NPRL3: variants seen among roughly 807,000 people sequenced by gnomAD.
NPRL3 encodes GATOR1 complex protein NPRL3.
Under a neutral mutation model 57.2 loss-of-function variants are expected in NPRL3, and 23 were observed. The ratio of observed to expected loss-of-function variants is 0.40; its 90% CI spans 0.29 to 0.57. The LOEUF (loss-of-function observed/expected upper bound fraction) is 0.57. Among genes scored for constraint, NPRL3 ranks in the 20% least tolerant of loss-of-function variants. The probability of loss-of-function intolerance (pLI) is 0.42; values close to 1 mark genes in which losing one functional copy is unlikely to be tolerated. For synonymous variants in NPRL3, 333 were observed against 321.1 expected (o/e 1.04, Z -0.39); for missense variants, 691 against 767.1 (o/e 0.90, Z 1.17).
intron 3 of NPRL3, among the ~76,000 whole-genome samples, chr16:130,171 G>GCATTT (rs1314594235): frequency 5.9e-5 from 9 of 152,240 alleles, no homozygotes; most frequent in African/African-American, 2.2e-4. Context: ...TTTGACCTCT[G>GCATTT]GGTACATGCT....
At chr16:100,289 A>G in intron 8 of NPRL3, 83 bp downstream of exon 8, 1 of 1,345,186 alleles carries the variant, frequency 7.4e-7, no homozygotes, top group Non-Finnish European at 9.6e-7. Context: ...GAAATTTTGG[A>G]ACAAAGTAAG....
At chr16:99,024 T>C (rs890271992) in intron 8 of NPRL3, among the ~76,000 whole-genome samples, 4 of 152,300 alleles carry the variant, frequency 2.6e-5, no homozygotes, top group Non-Finnish European at 4.4e-5. Context: ...GACTGGACTC[T>C]GTATCCCACC....
chr16:135,608 C>CAAAAAAAAAA (rs555589072), intron 2 of NPRL3, among the ~76,000 whole-genome samples: 9 of 56,732 alleles, frequency 1.6e-4, no homozygotes, highest in Non-Finnish European at 2.3e-4. Context: ...GACTCTGTCT[C>CAAAAAAAAAA]AAAAAAAAAA....
At chr16:130,332 A>G (rs551954333) in intron 3 of NPRL3, among the ~76,000 whole-genome samples, 190 bp downstream of exon 3, 6 of 152,190 alleles carry the variant, frequency 3.9e-5, no homozygotes, top group Non-Finnish European at 8.8e-5. Context: ...CAGGTGCCCA[A>G]ATTATTCAGC....
In NPRL3 at chr16:118,231, A is replaced by ACC. The variant is rs35376020; in HGVS notation, c.319-858_319-857dup. On this transcript the variant is annotated intron_variant, in intron 4 of 13. Coordinates refer to ENST00000611875, the MANE Select transcript of NPRL3 (RefSeq NM_001077350.3). ...GCTAAATCCTACGTTACTGTGTTCG[A>ACC]CCCTTCAGAATCTTAGTAATGCCAT... Among the ~76,000 whole-genome samples, 1,244 of 152,228 alleles carry ACC rather than the reference A, an allele frequency of 8.2e-3. 12 individuals are homozygous for ACC. Among genetic ancestry groups the ACC allele is most frequent in the African/African-American group, 0.029 (1,190 of 41,522 alleles).
chr16:90,373 G>C (rs1161899763), intron 11 of NPRL3: 1 of 159,626 alleles, frequency 6.3e-6, no homozygotes, highest in Non-Finnish European at 1.4e-5. Flanking sequence ...CCTGAGAGCA[G>C]AAAGTCCTCT....
rs1355350015 is a variant in NPRL3 at position 112,827 on chromosome 16, T to TGGACACAGTTTAAATGGAGC, written c.394-72_394-53dup. Reference sequence around the variant, plus strand: ...TCAAACGTGTGCACAGGGACACAGCTGGACACAGTTTAAATGGAGCTAACA... The same window carrying TGGACACAGTTTAAATGGAGC: ...TCAAACGTGTGCACAGGGACACAGCTGGACACAGTTTAAATGGAGCGGACACAGTTTAAATGGAGCTAACA... On this transcript the variant is annotated intron_variant, in intron 5 of 13. Coordinates refer to ENST00000611875, the MANE Select transcript of NPRL3 (RefSeq NM_001077350.3). 1.0e-5 allele frequency: 15 copies of TGGACACAGTTTAAATGGAGC among 1,494,708 alleles called. No individual in the cohort carries two copies. In the African/African-American group the frequency reaches 1.9e-4, roughly 19 times the overall value. 92.6% of individuals were successfully genotyped at this position (1,494,708 alleles called of 1,614,324 possible).
chr16:127,822 C>T (rs375960407), intron 3 of NPRL3, among the ~76,000 whole-genome samples: 3,309 of 150,766 alleles, frequency 0.022, 118 homozygotes, highest in African/African-American at 0.076. Flanking sequence ...GCCCGGATAA[C>T]TTTTTGTATT....
chr16:93,573 T>TG (rs1265992302), intron 9 of NPRL3, among the ~76,000 whole-genome samples: 1 of 151,792 alleles, frequency 6.6e-6, no homozygotes, highest in Admixed American at 6.5e-5. Context: ...GGTTTTTTTT[T>TG]TTTTTTTTTT....
Position 119,219 on chromosome 16 carries a change from G to A in NPRL3, c.225C>T (p.Thr75=). The change falls in exon 4 of 14, where the codon ACC becomes ACT. Residue 75 remains threonine, a synonymous_variant. Transcript: ENST00000611875. ...SDVILATILA[T]KSEMCGQKFE... ...ATTTTTGGCCACACATTTCAGACTT[G>A]GTTGCCAAAATTGTTGCCAGAATAA... 1.2e-6 allele frequency: 2 copies of A among 1,611,048 alleles called. No homozygotes were observed. Among genetic ancestry groups the A allele is most frequent in the Non-Finnish European group, 1.7e-6 (2 of 1,178,486 alleles).
chr16:115,423 A>T (rs1391031749), intron 5 of NPRL3, among the ~76,000 whole-genome samples: 1 of 152,132 alleles, frequency 6.6e-6, no homozygotes, highest in East Asian at 1.9e-4. Context: ...TCTTTACATT[A>T]TCAAAATTTC....
At chr16:107,127 C>T (rs1383566308) in intron 7 of NPRL3, among the ~76,000 whole-genome samples, 1 of 152,180 alleles carries the variant, frequency 6.6e-6, no homozygotes, top group African/African-American at 2.4e-5. Flanking sequence ...ATGCGTAGGT[C>T]AGGAAAGAAT....
At chr16:132,791 T>C (rs1033895108) in intron 2 of NPRL3, among the ~76,000 whole-genome samples, 155 of 149,974 alleles carry the variant, frequency 1.0e-3, no homozygotes, top group Non-Finnish European at 1.4e-3. Context: ...TGCCTCAGCC[T>C]CCCAAGTAGC....
rs2141893020 is a variant in NPRL3, at chr16:85,951, G to C, written c.*754C>G. ...GCCTGAGTACGTAGCGCCAGGCCCGGTGTGGATGCTGGGGAGAATCATCAG... is the reference window on the plus strand; with the variant it reads ...GCCTGAGTACGTAGCGCCAGGCCCGCTGTGGATGCTGGGGAGAATCATCAG... On this transcript the variant is annotated 3_prime_UTR_variant, in exon 14 of 14. Transcript: ENST00000611875. 1 of 741,280 alleles carries C rather than the reference G, an allele frequency of 1.3e-6. No individual in the cohort carries two copies. The highest frequency in any genetic ancestry group is 3.2e-5 in the East Asian group (1 of 31,412). 45.9% of individuals were successfully genotyped at this position (741,280 alleles called of 1,614,324 possible).
chr16:119,888 A>C (rs1900211824), intron 3 of NPRL3, among the ~76,000 whole-genome samples: 1 of 152,196 alleles, frequency 6.6e-6, no homozygotes, highest in African/African-American at 2.4e-5. Context: ...CTATTTCCAA[A>C]TGGCAGAAAT....
At chr16:119,025 C>A (rs1439640099) in intron 4 of NPRL3, 101 bp downstream of exon 4, 4 of 1,437,842 alleles carry the variant, frequency 2.8e-6, no homozygotes, top group Non-Finnish European at 3.7e-6. Context: ...GGAAGCCACA[C>A]CTGCCCAAGG....
intron 2 of NPRL3, among the ~76,000 whole-genome samples, chr16:131,473 C>T (rs1157720017): frequency 1.1e-5 from 1 of 90,302 alleles, no homozygotes; most frequent in Admixed American, 1.2e-4. Flanking sequence ...GGCAAGACTC[C>T]GTCTCAAAAA....
Position 93,294 on chromosome 16 carries a change from C to T in NPRL3, c.956G>A (p.Trp319Ter). 1 of 1,559,394 alleles carries T rather than the reference C, an allele frequency of 6.4e-7. No individual in the cohort carries two copies. Among genetic ancestry groups the T allele is most frequent in the Non-Finnish European group, 8.7e-7 (1 of 1,151,500 alleles). Residue 319 changes from tryptophan (W) to a stop codon, truncating the protein, a stop_gained, in exon 10 of 14, where the codon TGG becomes TAG. Transcript: ENST00000611875. LOFTEE classifies it high-confidence loss of function. Reference sequence around the variant, plus strand: ...CGGGTAGATGATGATGGCCTTGCCCCAGTACACCAGATGAGCTGCAAGCTG... The same window carrying T: ...CGGGTAGATGATGATGGCCTTGCCCTAGTACACCAGATGAGCTGCAAGCTG... ...VFQLAAHLVY[W>*]GKAIIIYPLC...
intron 3 of NPRL3, among the ~76,000 whole-genome samples, chr16:126,708 C>G (rs996444191): frequency 6.6e-6 from 1 of 152,144 alleles, no homozygotes; most frequent in Admixed American, 6.6e-5. Flanking sequence ...TACATTTAAA[C>G]ATGAGCACCA....
Sources: allele counts gnomAD v4.1 joint callset (sites outside exome capture counted in the v4.1 genomes callset), GRCh38; gene constraint gnomAD v4.1.1; transcripts MANE v1.5; gene names NCBI Gene and HGNC (gene_info 2026-07-23, HGNC 2026-07-21).